The following ACAD10 variants were observed in gnomAD, a reference collection of about 807,000 sequenced individuals.
ACAD10 encodes the protein acyl-CoA dehydrogenase family member 10.
In ACAD10, 112 loss-of-function variants were observed where a neutral mutation model predicts 116.8. That is an observed-to-expected ratio of 0.96 (90% CI 0.82 to 1.12). ACAD10 has a LOEUF of 1.12. Ranked by LOEUF, ACAD10 falls within the 50% of genes most tolerant of loss-of-function variation. ACAD10 has a pLI of 0.00. For missense variants in ACAD10, 1,259 were observed against 1,350.2 expected, an observed-to-expected ratio of 0.93 and a Z score of 1.06; for synonymous variants, 486 against 510.6, an observed-to-expected ratio of 0.95 and a Z score of 0.65.
intron 3 of ACAD10, 65 bp from the exon 4 acceptor site, chr12:111,705,673 T>C: frequency 7.0e-7 from 1 of 1,433,888 alleles, no homozygotes; most frequent in Non-Finnish European, 9.6e-7. Flanking sequence ...TTTTTTTTTC[T>C]GTTGGCCATG....
At chr12:111,738,697 T>A (rs1889645670) in intron 12 of ACAD10, among the ~76,000 whole-genome samples, 1 of 151,812 alleles carries the variant, frequency 6.6e-6, no homozygotes, top group East Asian at 1.9e-4. Flanking sequence ...TGAAACCACA[T>A]CTCTACTAAA....
Position 111,709,556 on chromosome 12 carries a change from A to G in ACAD10, c.562A>G (p.Lys188Glu). 1 of 1,609,198 alleles carries G rather than the reference A, an allele frequency of 6.2e-7. No individual in the cohort carries two copies. Among genetic ancestry groups the G allele is most frequent in the South Asian group, 1.1e-5 (1 of 90,176 alleles). ...IVESCMEGIC[K>E]PDPRIYKLCL... ...GGAGTCCTGCATGGAAGGGATCTGT[A>G]AGCCAGACCCTAGGATCTACAAGCT... Residue 188 changes from lysine (K) to glutamate (E), a missense_variant, in exon 5 of 21, where the codon AAG (lysine) becomes GAG (glutamate). Coordinates refer to ENST00000313698, the MANE Select transcript of ACAD10 (RefSeq NM_025247.6).
chr12:111,747,972 G>C (rs1665545564), intron 16 of ACAD10, among the ~76,000 whole-genome samples: 2 of 152,202 alleles, frequency 1.3e-5, no homozygotes, highest in Non-Finnish European at 2.9e-5. Flanking sequence ...CTGATTCCAA[G>C]GCCCGGGCCC....
intron 18 of ACAD10, among the ~76,000 whole-genome samples, chr12:111,751,199 C>A (rs1169864952): frequency 6.6e-6 from 1 of 152,164 alleles, no homozygotes; most frequent in African/African-American, 2.4e-5. Context: ...ACCTATAAGG[C>A]TAACAATGAC....
intron 11 of ACAD10, among the ~76,000 whole-genome samples, chr12:111,736,623 T>G (rs1417478657): frequency 1.3e-5 from 2 of 152,202 alleles, no homozygotes; most frequent in South Asian, 4.1e-4. Context: ...CTGAAACCTG[T>G]AAGAGCCAAT....
chr12:111,728,291 T>A, intron 9 of ACAD10, 148 bp downstream of exon 9: 1 of 771,472 alleles, frequency 1.3e-6, no homozygotes, highest in Non-Finnish European at 1.9e-6. Context: ...AGTTTAGTTT[T>A]AATGGAGGTG....
At position 111,756,629 on chromosome 12, in the gene ACAD10, T is replaced by C; in HGVS notation, c.*156T>C. On this transcript the variant is annotated 3_prime_UTR_variant, in exon 21 of 21. Transcript: ENST00000313698. ...AGGGTGGACTCAATCTTTCTGGTTCTCCACAGAAGACGTCTCTGCAAGAAG... is the reference window on the plus strand; with the variant it reads ...AGGGTGGACTCAATCTTTCTGGTTCCCCACAGAAGACGTCTCTGCAAGAAG... The C allele has an allele frequency of 8.1e-7, 1 of 1,227,104 alleles. No individual in the cohort carries two copies. The highest frequency in any genetic ancestry group is 1.2e-6 in the Non-Finnish European group (1 of 866,666). The allele number at this position is 1,227,104 out of a possible 1,614,324, so 76.0% of individuals were successfully genotyped here. A position where few individuals can be genotyped will look rare whatever the true frequency, so the allele number is the denominator to read the frequency against.
chr12:111,750,478 C>T (rs1388440303), intron 18 of ACAD10, among the ~76,000 whole-genome samples: 64 of 152,142 alleles, frequency 4.2e-4, no homozygotes, highest in Admixed American at 4.2e-3. Context: ...CCCAGCTACT[C>T]AGGAGGCTGA....
At chr12:111,755,846 C>A in intron 20 of ACAD10, 101 bp downstream of exon 20, 1 of 1,138,472 alleles carries the variant, frequency 8.8e-7, no homozygotes, top group Non-Finnish European at 1.3e-6. Flanking sequence ...CTGGCAGATG[C>A]CCTGTGTCAC....
intron 6 of ACAD10, among the ~76,000 whole-genome samples, chr12:111,714,738 G>A (rs1015842652): frequency 2.0e-5 from 3 of 150,400 alleles, no homozygotes; most frequent in Non-Finnish European, 3.0e-5. Context: ...TTGAGATGGA[G>A]TTTTGCCCTT....
In ACAD10 at chr12:111,692,881, G is replaced by C; in HGVS notation, c.172G>C (p.Gly58Arg). ...DMGGVLIPSP[G>R]RVAAEWEVQN... is the part of the protein sequence containing the mutation. ...GGGCGGAGTTCTCATTCCTTCTCCA[G>C]GGAGAGTCGCTGCAGGTGAGCTATT... is the stretch of plus-strand genomic sequence containing the variant. Residue 58 changes from glycine (G) to arginine (R), a missense_variant, in exon 2 of 21, where the codon GGG becomes CGG. Gly to Arg is a moderately radical substitution (Grantham distance 125, BLOSUM62 -2). Transcript: ENST00000313698. 1 of 1,614,074 alleles carries C rather than the reference G, an allele frequency of 6.2e-7. No individual in the cohort carries two copies.
At chr12:111,747,701 G>C (rs907240695) in intron 16 of ACAD10, 1 of 1,158,774 alleles carries the variant, frequency 8.6e-7, no homozygotes. Flanking sequence ...CCCCTTCCTT[G>C]GTGGCTTCCT....
intron 2 of ACAD10, among the ~76,000 whole-genome samples, chr12:111,694,477 G>A (rs1289109341): frequency 1.3e-5 from 2 of 151,862 alleles, no homozygotes; most frequent in African/African-American, 4.9e-5. Flanking sequence ...ACCCCAGACT[G>A]GCACAACAGT....
At chr12:111,748,519 C>T in intron 17 of ACAD10, 44 bp downstream of exon 17, 1 of 1,605,294 alleles carries the variant, frequency 6.2e-7, no homozygotes, top group Non-Finnish European at 8.5e-7. Flanking sequence ...TGGGTCTGGT[C>T]CCCAGGAAAC....
At chr12:111,753,405 T>C in intron 18 of ACAD10, 1 of 442,850 alleles carries the variant, frequency 2.3e-6, no homozygotes, top group East Asian at 6.1e-5. Flanking sequence ...AGTCACTCCC[T>C]CATTCCCAGG....
intron 9 of ACAD10, among the ~76,000 whole-genome samples, chr12:111,728,850 C>A (rs1298033440): frequency 5.3e-5 from 8 of 152,034 alleles, no homozygotes; most frequent in Non-Finnish European, 8.8e-5. Context: ...CCACCATGCC[C>A]AGCTAATTTT....
intron 8 of ACAD10, among the ~76,000 whole-genome samples, chr12:111,726,795 A>AG (rs1307940257): frequency 7.2e-5 from 11 of 152,256 alleles, no homozygotes; most frequent in African/African-American, 2.6e-4. Context: ...CGGGAGGCGG[A>AG]GGTTGCAGTG....
chr12:111,740,772 G>C (rs1166029916), intron 12 of ACAD10, among the ~76,000 whole-genome samples: 2 of 113,384 alleles, frequency 1.8e-5, no homozygotes, highest in African/African-American at 7.0e-5. Flanking sequence ...GACAGAGCGA[G>C]ACTCCATCTC....
At chr12:111,750,655 G>A (rs1890049826) in intron 18 of ACAD10, among the ~76,000 whole-genome samples, 1 of 152,052 alleles carries the variant, frequency 6.6e-6, no homozygotes, top group Non-Finnish European at 1.5e-5. Flanking sequence ...TTGTCCCTAG[G>A]CTTCCATCAT....
Sources: allele counts gnomAD v4.1 joint callset (sites outside exome capture counted in the v4.1 genomes callset), GRCh38; gene constraint gnomAD v4.1.1; transcripts MANE v1.5; gene names NCBI Gene and HGNC (gene_info 2026-07-23, HGNC 2026-07-21).